Variants in PLS3 observed in about 807,000 individuals in gnomAD.
The protein encoded by PLS3 is plastin 3.
Under a neutral mutation model 46.5 loss-of-function variants are expected in PLS3, and 11 were observed. The observed-to-expected ratio is 0.24, with a 90% confidence interval of 0.15 to 0.39. PLS3 has a LOEUF of 0.39. PLS3 is among the 10% of genes least tolerant of loss of function. The probability of loss-of-function intolerance (pLI) is 1.00; values close to 1 mark genes in which losing one functional copy is unlikely to be tolerated. For synonymous variants in PLS3, 167 were observed against 162.2 expected (o/e 1.03, Z -0.22); for missense variants, 308 against 461.8 (o/e 0.67, Z 3.05).
intron 1 of PLS3, among the ~76,000 whole-genome samples, chrX:115,602,065 A>G (rs781944977): frequency 1.6e-4 from 18 of 111,625 alleles, no homozygotes; most frequent in African/African-American, 5.5e-4. Flanking sequence ...GGGGATGTCT[A>G]TCTGAGAAAA....
At chrX:115,639,444 C>T (rs1438626649) in intron 8 of PLS3, among the ~76,000 whole-genome samples, 1 of 111,811 alleles carries the variant, frequency 8.9e-6, no homozygotes, top group Admixed American at 9.6e-5. Flanking sequence ...TATTTGGTAG[C>T]TCAGGAATTG....
chrX:115,622,488 G>C, intron 3 of PLS3, 79 bp downstream of exon 3: 3 of 569,961 alleles, frequency 5.3e-6, no homozygotes. Context: ...ATTAAGTACT[G>C]TTATGTTAAG....
At chrX:115,582,276 T>C (rs2074283548) in intron 1 of PLS3, among the ~76,000 whole-genome samples, 1 of 111,789 alleles carries the variant, frequency 8.9e-6, no homozygotes, top group Non-Finnish European at 1.9e-5. Flanking sequence ...AGGTGACTTT[T>C]TGCTAACAGT....
intron 1 of PLS3, among the ~76,000 whole-genome samples, chrX:115,580,528 G>T: frequency 8.9e-6 from 1 of 112,234 alleles, no homozygotes; most frequent in East Asian, 2.8e-4. Flanking sequence ...TTGAGTATCT[G>T]TTGCTCTGTC....
intron 3 of PLS3, among the ~76,000 whole-genome samples, chrX:115,626,433 C>T (rs1455953300): frequency 4.6e-5 from 5 of 109,504 alleles, no homozygotes; most frequent in African/African-American, 1.3e-4. Flanking sequence ...TACAGGCATG[C>T]GCCACCACGA....
chrX:115,570,152 G>A lies in PLS3; in HGVS notation c.-9+8892G>A, dbSNP rs376368715. 1.3e-4 allele frequency among the ~76,000 whole-genome samples: 14 copies of A among 110,643 alleles called. No homozygotes were observed. The East Asian group carries it at 2.6e-3, about 20-fold the overall frequency. On this transcript the variant is annotated intron_variant, in intron 1 of 15. Coordinates refer to ENST00000355899, the MANE Select transcript of PLS3 (RefSeq NM_005032.7). ...GGGTTTCACCGTCTTGGCCAGGCTGGTCTTGAACTCTTGACCTCGTGATCC... is the reference window on the plus strand; with the variant it reads ...GGGTTTCACCGTCTTGGCCAGGCTGATCTTGAACTCTTGACCTCGTGATCC...
chrX:115,641,482 C>A (rs1398002629), intron 9 of PLS3, among the ~76,000 whole-genome samples: 1 of 110,867 alleles, frequency 9.0e-6, no homozygotes, highest in East Asian at 2.8e-4. Context: ...TCGCCTCGGC[C>A]TCCCAAAGTG....
chrX:115,629,655 A>G (rs1425982590), intron 4 of PLS3, among the ~76,000 whole-genome samples, 180 bp from the exon 5 acceptor site: 2 of 111,482 alleles, frequency 1.8e-5, no homozygotes, highest in Non-Finnish European at 3.8e-5. Context: ...CTTTTTCTTA[A>G]TTTTGTAATT....
intron 13 of PLS3, 90 bp downstream of exon 13, chrX:115,646,625 T>C: frequency 1.3e-6 from 1 of 780,025 alleles, no homozygotes; most frequent in Non-Finnish European, 1.8e-6. Context: ...GATATGTCGA[T>C]AACTACACTT....
chrX:115,570,961 T>C (rs2074211425), intron 1 of PLS3, among the ~76,000 whole-genome samples: 1 of 101,981 alleles, frequency 9.8e-6, no homozygotes, highest in Non-Finnish European at 2.0e-5. Flanking sequence ...AGTGGCGCGA[T>C]CTCAGCTCAC....
chrX:115,590,215 G>T (rs2074335836), intron 1 of PLS3, among the ~76,000 whole-genome samples: 2 of 111,430 alleles, frequency 1.8e-5, no homozygotes, highest in African/African-American at 6.5e-5. Flanking sequence ...GTGACAGTGA[G>T]AATTTGGTTT....
At chrX:115,591,220 C>T (rs1556633078) in intron 1 of PLS3, among the ~76,000 whole-genome samples, 4 of 112,524 alleles carry the variant, frequency 3.6e-5, no homozygotes, top group Admixed American at 2.8e-4. Context: ...AAGGGCATGT[C>T]TATTCCTAGA....
At chrX:115,624,734 A>T (rs1310013356) in intron 3 of PLS3, among the ~76,000 whole-genome samples, 3 of 112,156 alleles carry the variant, frequency 2.7e-5, no homozygotes, top group Non-Finnish European at 1.9e-5. Context: ...TATTCTTTAA[A>T]AGTAAAGAAC....
intron 1 of PLS3, among the ~76,000 whole-genome samples, chrX:115,574,601 CAG>C (rs1217108782): frequency 1.8e-5 from 2 of 108,747 alleles, no homozygotes; most frequent in East Asian, 2.9e-4. Context: ...TTTTTTGAGA[CAG>C]AGTTTCGCTC....
intron 1 of PLS3, among the ~76,000 whole-genome samples, chrX:115,606,026 G>A (rs2074487550): frequency 9.4e-6 from 1 of 106,598 alleles, no homozygotes; most frequent in African/African-American, 3.4e-5. Flanking sequence ...GGGCAGGTTG[G>A]GGAGAAAGAG....
chrX:115,630,777 AATAT>A (rs1407578686), intron 5 of PLS3, among the ~76,000 whole-genome samples: 1 of 96,207 alleles, frequency 1.0e-5, no homozygotes, highest in Non-Finnish European at 2.0e-5. Context: ...ATATATACAA[AATAT>A]ATATGTATAT....
chrX:115,611,349 G>A (rs1189193548), intron 2 of PLS3, among the ~76,000 whole-genome samples: 5 of 111,339 alleles, frequency 4.5e-5, no homozygotes, highest in Non-Finnish European at 9.4e-5. Flanking sequence ...GCGCGCACGC[G>A]CGTGTGTGTG....
At chrX:115,586,058 C>T (rs2074306019) in intron 1 of PLS3, among the ~76,000 whole-genome samples, 1 of 107,251 alleles carries the variant, frequency 9.3e-6, no homozygotes, top group African/African-American at 3.4e-5. Flanking sequence ...GTGATCTCGG[C>T]TCACAGCAAC....
intron 1 of PLS3, among the ~76,000 whole-genome samples, chrX:115,600,668 G>A (rs782711501): frequency 7.1e-5 from 8 of 112,367 alleles, no homozygotes; most frequent in African/African-American, 2.6e-4. Flanking sequence ...GAACCAAGTA[G>A]GACAATGGAA....
Sources: allele counts gnomAD v4.1 joint callset (sites outside exome capture counted in the v4.1 genomes callset), GRCh38; gene constraint gnomAD v4.1.1; transcripts MANE v1.5; gene names NCBI Gene and HGNC (gene_info 2026-07-23, HGNC 2026-07-21).